Variants in SPTB observed in about 807,000 individuals in gnomAD.
The protein encoded by SPTB is spectrin beta chain, erythrocytic.
In SPTB, 45 loss-of-function variants were observed where a neutral mutation model predicts 256.2. The observed-to-expected ratio is 0.18, with a 90% CI of 0.14 to 0.23. The LOEUF is 0.23. Ranked by LOEUF, SPTB falls within the 10% of genes least tolerant of loss-of-function variation. The pLI, the probability that SPTB is intolerant of heterozygous loss-of-function variation, is 1.00. For synonymous variants in SPTB, 1,231 were observed against 1,243.1 expected (o/e 0.99, Z 0.21); for missense variants, 2,715 against 3,040.4 (o/e 0.89, Z 2.52).
chr14:64,800,889 C>T, intron 7 of SPTB, 21 bp from the exon 8 acceptor site: 2 of 1,587,816 alleles, frequency 1.3e-6, no homozygotes, highest in Non-Finnish European at 1.7e-6. Flanking sequence ...AAAGGGTGTA[C>T]TCTCAGGACC....
rs1449519927 is a variant in SPTB at position 64,749,188 on chromosome 14, C to T, written c.*118G>A. On this transcript the variant is annotated 3_prime_UTR_variant, in exon 36 of 36. Coordinates refer to ENST00000644917, the MANE Select transcript of SPTB (RefSeq NM_001355436.2). The surrounding 1 kb of genome is among the most constrained non-coding windows in gnomAD (Gnocchi z 4.7). ...GCAGTGCAGCGTGGGGCCCGGGGGC[C>T]CGGCCCGCGACTCGACTCATCTCGA... 1.0e-5 allele frequency: 13 copies of T among 1,301,076 alleles called. No individual in the cohort carries two copies. Among genetic ancestry groups the T allele is most frequent in the Non-Finnish European group, 1.4e-5 (13 of 951,328 alleles). 80.6% of individuals were successfully genotyped at this position (1,301,076 alleles called of 1,614,324 possible).
rs778335399 is a variant in SPTB, at chr14:64,779,685, C to T, written c.4473+40G>A. ...CAGCTACTCTGATGGCAGCTGGTGG[C>T]TCAGCCTCAGGAGGTAGGGAGAAGC... On this transcript the variant is annotated intron_variant, in intron 21 of 35. Coordinates refer to ENST00000644917, the MANE Select transcript of SPTB (RefSeq NM_001355436.2). The surrounding 1 kb of genome is among the most constrained non-coding windows in gnomAD (Gnocchi z 4.2). 1.2e-6 allele frequency: 2 copies of T among 1,613,146 alleles called. No individual in the cohort carries two copies. The highest frequency in any genetic ancestry group is 1.7e-6 in the Non-Finnish European group (2 of 1,179,388).
rs572920163 is a variant in SPTB, at chr14:64,778,465, G to A, written c.4563+692C>T. On this transcript the variant is annotated intron_variant, in intron 22 of 35. Coordinates refer to ENST00000644917, the MANE Select transcript of SPTB (RefSeq NM_001355436.2). This position sits in a 1 kb window ranked among gnomAD's most constrained non-coding sequence, Gnocchi z 5.2. ...AGGGTCTGTGGCCATTCCCCTGGCC[G>A]CTGCGACCCCACACAGCCAGCTTCC... 3.9e-5 allele frequency among the ~76,000 whole-genome samples: 6 copies of A among 152,250 alleles called. No homozygotes were observed. Among genetic ancestry groups the A allele is most frequent in the East Asian group, 1.9e-4 (1 of 5,182 alleles).
intron 1 of SPTB, among the ~76,000 whole-genome samples, chr14:64,863,713 G>A (rs1455300850): frequency 6.6e-6 from 1 of 152,166 alleles, no homozygotes; most frequent in Non-Finnish European, 1.5e-5. Context: ...AAACTTGAAA[G>A]CCATTAAAAA....
At chr14:64,851,334 A>C (rs2083782026) in intron 1 of SPTB, among the ~76,000 whole-genome samples, 1 of 152,232 alleles carries the variant, frequency 6.6e-6, no homozygotes, top group African/African-American at 2.4e-5. Flanking sequence ...TTCACCTATA[A>C]AACAAGGATA....
In SPTB at chr14:64,753,740, A is replaced by G. The variant is rs190118021; in HGVS notation, c.6399T>C (p.Gly2133=). 390 of 1,613,552 alleles carry G rather than the reference A, an allele frequency of 2.4e-4. 4 individuals carry two copies. The Admixed American group carries it at 6.3e-3, about 26-fold the overall frequency. ...PQNLQQPPPP[G]QHKDGQKSTG... is the part of the protein sequence containing the mutation. ...TGGATTTCTGCCCATCCTTGTGCTG[A>G]CCCGGCGGTGGTGGCTGCTGCAGGT... is the stretch of plus-strand genomic sequence containing the variant. The change falls in exon 33 of 36, where the codon GGT becomes GGC. Residue 2133 remains glycine, a synonymous_variant. Coordinates refer to ENST00000644917, the MANE Select transcript of SPTB (RefSeq NM_001355436.2).
chr14:64,815,616 G>A (rs1413994568), intron 2 of SPTB, among the ~76,000 whole-genome samples: 1 of 152,202 alleles, frequency 6.6e-6, no homozygotes, highest in African/African-American at 2.4e-5. Context: ...GAGAACATGG[G>A]GCTGCAAAAG....
chr14:64,863,073 C>T (rs1460084304), intron 1 of SPTB, among the ~76,000 whole-genome samples: 2 of 152,094 alleles, frequency 1.3e-5, no homozygotes, highest in Non-Finnish European at 2.9e-5. Flanking sequence ...GGTTTAGACC[C>T]TCTTGAGTCC....
At position 64,825,349 on chromosome 14, in the gene SPTB, C is replaced by T. The variant is rs1030806732; in HGVS notation, c.-51-2204G>A. ...CCTGTGCCCAAGACCACCCTTGTGCCTTTGAACAGCCTGTCCTCTTCTGCA... is the reference window on the plus strand; with the variant it reads ...CCTGTGCCCAAGACCACCCTTGTGCTTTTGAACAGCCTGTCCTCTTCTGCA... On this transcript the variant is annotated intron_variant, in intron 1 of 35. Transcript: ENST00000644917. The surrounding 1 kb of genome is among the most constrained non-coding windows in gnomAD (Gnocchi z 4.8). 2.2e-4 allele frequency among the ~76,000 whole-genome samples: 34 copies of T among 152,288 alleles called. No individual in the cohort carries two copies. Among genetic ancestry groups the T allele is most frequent in the African/African-American group, 7.5e-4 (31 of 41,566 alleles).
intron 26 of SPTB, among the ~76,000 whole-genome samples, chr14:64,771,614 C>A (rs901592683): frequency 3.3e-5 from 5 of 152,152 alleles, no homozygotes; most frequent in African/African-American, 4.8e-5. Context: ...CCGTTCTTAA[C>A]CATTCTGTGT....
chr14:64,848,222 G>C, intron 1 of SPTB, among the ~76,000 whole-genome samples: 1 of 152,172 alleles, frequency 6.6e-6, no homozygotes, highest in East Asian at 1.9e-4. Flanking sequence ...TACACTTAGG[G>C]AGGACACTCC....
rs377505095 is a variant in SPTB, at chr14:64,849,329, G to C, written c.-51-26184C>G. 7.9e-5 allele frequency among the ~76,000 whole-genome samples: 12 copies of C among 152,346 alleles called. No homozygotes were observed. The East Asian group carries it at 1.9e-3, about 24-fold the overall frequency. Reference sequence around the variant, plus strand: ...CAAAGTTTCCCCACTGCCTGAGTGGGGGACTAGACGAGAGGTGGGTTAGCC... The same window carrying C: ...CAAAGTTTCCCCACTGCCTGAGTGGCGGACTAGACGAGAGGTGGGTTAGCC... On this transcript the variant is annotated intron_variant, in intron 1 of 35. Coordinates refer to ENST00000644917, the MANE Select transcript of SPTB (RefSeq NM_001355436.2).
chr14:64,805,323 A>G (rs998134172), intron 2 of SPTB, among the ~76,000 whole-genome samples: 1 of 152,160 alleles, frequency 6.6e-6, no homozygotes, highest in African/African-American at 2.4e-5. Context: ...ACCATATTCT[A>G]TGCACAGTAT....
At chr14:64,869,537 T>C (rs1361796127) in intron 1 of SPTB, among the ~76,000 whole-genome samples, 1 of 151,782 alleles carries the variant, frequency 6.6e-6, no homozygotes, top group Non-Finnish European at 1.5e-5. Flanking sequence ...CTTGAACTCC[T>C]GGGCTCAAGC....
At chr14:64,848,865 T>C (rs2083734941) in intron 1 of SPTB, among the ~76,000 whole-genome samples, 1 of 152,262 alleles carries the variant, frequency 6.6e-6, no homozygotes, top group Non-Finnish European at 1.5e-5. Flanking sequence ...ATCATATTTA[T>C]ATTAATAAAA....
chr14:64,808,658 G>C (rs1261504320), intron 2 of SPTB, among the ~76,000 whole-genome samples: 4 of 151,984 alleles, frequency 2.6e-5, no homozygotes, highest in African/African-American at 9.7e-5. Flanking sequence ...CAGGGGCGTT[G>C]GGCAGCTCAC....
intron 15 of SPTB, 37 bp from the exon 16 acceptor site, chr14:64,787,197 C>T (rs767632255): frequency 1.3e-6 from 2 of 1,599,354 alleles, no homozygotes; most frequent in Non-Finnish European, 1.7e-6. Flanking sequence ...GAGAGAGACA[C>T]CTTCTCCCTT....
chr14:64,766,891 G>A, intron 31 of SPTB, 90 bp from the exon 32 acceptor site: 1 of 1,513,360 alleles, frequency 6.6e-7, no homozygotes, highest in Non-Finnish European at 9.1e-7. Flanking sequence ...GCGCCCACAG[G>A]GAGGAGCACC....
At chr14:64,801,442 A>T in intron 6 of SPTB, 42 bp from the exon 7 acceptor site, 1 of 1,467,706 alleles carries the variant, frequency 6.8e-7, no homozygotes. Context: ...TAGCCACAGC[A>T]TCCCCACCAG....
Sources: allele counts gnomAD v4.1 joint callset (sites outside exome capture counted in the v4.1 genomes callset), GRCh38; gene constraint gnomAD v4.1.1; non-coding constraint Gnocchi (gnomAD v3.1); transcripts MANE v1.5; gene names NCBI Gene and HGNC (gene_info 2026-07-23, HGNC 2026-07-21).